MMP15: variants seen among roughly 807,000 people sequenced by gnomAD.
The protein encoded by MMP15 is matrix metallopeptidase 15.
MMP15 carries 36 observed loss-of-function variants against 65.0 expected under a neutral mutation model. The observed-to-expected ratio is 0.55, with a 90% CI of 0.42 to 0.73. The LOEUF (loss-of-function observed/expected upper bound fraction) is 0.73, where lower values mean the gene tolerates loss of function less well. Ranked by LOEUF, MMP15 falls within the 30% of genes least tolerant of loss-of-function variation. The probability of loss-of-function intolerance (pLI) is 0.00; values close to 1 mark genes in which losing one functional copy is unlikely to be tolerated. For synonymous variants in MMP15, 428 were observed against 410.2 expected, an observed-to-expected ratio of 1.04 and a Z score of -0.52; for missense variants, 870 against 987.8, an observed-to-expected ratio of 0.88 and a Z score of 1.60.
rs1285296041 is a variant in MMP15 at position 58,041,681 on chromosome 16, C to G, written c.975C>G (p.Gly325=). ...PLPTVTPRRP[G]RPDHRPPRPP... is the part of the protein sequence containing the mutation. ...CCACTGTGACGCCACGGCGGCCAGGCCGGCCTGACCACCGGCCGCCCCGGC... is the reference window on the plus strand; with the variant it reads ...CCACTGTGACGCCACGGCGGCCAGGGCGGCCTGACCACCGGCCGCCCCGGC... The change falls in exon 6 of 10, where the codon GGC becomes GGG. Residue 325 remains glycine (G), a synonymous_variant. Coordinates refer to ENST00000219271, the MANE Select transcript of MMP15 (RefSeq NM_002428.4). 1 of 1,578,660 alleles carries G rather than the reference C, an allele frequency of 6.3e-7. No individual in the cohort carries two copies. The highest frequency in any genetic ancestry group is 8.6e-7 in the Non-Finnish European group (1 of 1,162,684).
chr16:58,027,521 G>A (rs1194060708), intron 1 of MMP15, among the ~76,000 whole-genome samples: 2 of 152,188 alleles, frequency 1.3e-5, no homozygotes, highest in Non-Finnish European at 2.9e-5. Context: ...GCTTCTGAAC[G>A]GTGCTCAGGC....
At chr16:58,031,736 G>A (rs983838661) in intron 1 of MMP15, among the ~76,000 whole-genome samples, 1 of 152,054 alleles carries the variant, frequency 6.6e-6, no homozygotes, top group Non-Finnish European at 1.5e-5. Flanking sequence ...AGACCCATGG[G>A]AGGGAGCAGA....
rs925581203 is a variant in MMP15 at position 58,026,505 on chromosome 16, A to C, written c.155A>C (p.His52Pro). The change falls in exon 1 of 10, where the codon CAT (histidine) becomes CCT (proline). Residue 52 changes from histidine (H) to proline (P), a missense_variant. His to Pro is a moderately conservative substitution (Grantham distance 77). Coordinates refer to ENST00000219271, the MANE Select transcript of MMP15 (RefSeq NM_002428.4). The part of the protein sequence containing the change: ...LGVAAEDAEV[H>P]AENWLRLYGY... Reference sequence around the variant, plus strand: ...GTAGCGGCCGAAGACGCGGAGGTCCATGCCGAGGTAAGACCCCCGCCCTGC... The same window carrying C: ...GTAGCGGCCGAAGACGCGGAGGTCCCTGCCGAGGTAAGACCCCCGCCCTGC... 2 of 1,354,460 alleles carry C rather than the reference A, an allele frequency of 1.5e-6. No individual in the cohort carries two copies. Among genetic ancestry groups the C allele is most frequent in the South Asian group, 3.5e-5 (2 of 57,392 alleles). The allele number at this position is 1,354,460 out of a possible 1,614,324, so 83.9% of individuals were successfully genotyped here.
At chr16:58,032,936 C>T (rs1026571770) in intron 1 of MMP15, among the ~76,000 whole-genome samples, 1 of 152,212 alleles carries the variant, frequency 6.6e-6, no homozygotes, top group Non-Finnish European at 1.5e-5. Context: ...GTCCTTATCG[C>T]CTGGGGTCTG....
chr16:58,038,475 G>A, intron 3 of MMP15, 81 bp downstream of exon 3: 3 of 1,576,972 alleles, frequency 1.9e-6, no homozygotes, highest in Middle Eastern at 1.7e-4. Context: ...GCCCACCTCG[G>A]CGCCCAGCCT....
chr16:58,026,082 G>T lies in MMP15; in HGVS notation c.-269G>T. 1 of 349,558 alleles carries T rather than the reference G, an allele frequency of 2.9e-6. No individual in the cohort carries two copies. The allele number at this position is 349,558 out of a possible 1,614,324, so 21.7% of individuals were successfully genotyped here. ...TGCTCTCGGGAGCCGGGCCCCAGGC[G>T]CTGGGCGCCGAGGCTGCGGAACCTC... On this transcript the variant is annotated 5_prime_UTR_variant, in exon 1 of 10. Transcript: ENST00000219271.
chr16:58,037,594 C>T lies in MMP15; in HGVS notation c.285C>T (p.Thr95=), dbSNP rs376783004. Residue 95 remains threonine, a synonymous_variant, in exon 2 of 10, where the codon ACC becomes ACT. Transcript: ENST00000219271. ...AGCGCTTCTACGGGATCCCAGTCAC[C>T]GGTGTGCTCGACGAAGAGACCAAGG... is the stretch of plus-strand genomic sequence containing the variant. ...EMQRFYGIPV[T]GVLDEETKEW... 4.7e-5 allele frequency: 76 copies of T among 1,614,080 alleles called. No individual in the cohort carries two copies. Among genetic ancestry groups the T allele is most frequent in the East Asian group, 1.1e-4 (5 of 44,896 alleles).
At position 58,026,354 on chromosome 16, in the gene MMP15, G is replaced by C. The variant is rs868389662; in HGVS notation, c.4G>C (p.Gly2Arg). The change falls in exon 1 of 10, where the codon GGC becomes CGC. Residue 2 changes from glycine to arginine, a missense_variant. By Grantham distance (125) the Gly-to-Arg change is moderately radical. Coordinates refer to ENST00000219271, the MANE Select transcript of MMP15 (RefSeq NM_002428.4). ...AGCTGGGCTGGGCGCCGAGAGCATG[G>C]GCAGCGACCCGAGCGCGCCCGGACG... M[G>R]SDPSAPGRPG... 1 of 1,354,290 alleles carries C rather than the reference G, an allele frequency of 7.4e-7. No homozygotes were observed. Among genetic ancestry groups the C allele is most frequent in the East Asian group, 3.1e-5 (1 of 32,416 alleles). The allele number at this position is 1,354,290 out of a possible 1,614,324, so 83.9% of individuals were successfully genotyped here. A position where few individuals can be genotyped will look rare whatever the true frequency, so the allele number is the denominator to read the frequency against.
At position 58,031,958 on chromosome 16, in the gene MMP15, C is replaced by A. The variant is rs1028199780; in HGVS notation, c.162+5446C>A. ...TCTCGGCTCACTGCAACCTCCGCCT[C>A]CCAGGTTCAGGCAATTCTCCTGCTT... On this transcript the variant is annotated intron_variant, in intron 1 of 9. Transcript: ENST00000219271. Among the ~76,000 whole-genome samples the A allele has an allele frequency of 2.0e-5, 3 of 150,476 alleles. No individual in the cohort carries two copies. The Admixed American group carries it at 2.0e-4, about 10-fold the overall frequency.
intron 1 of MMP15, among the ~76,000 whole-genome samples, chr16:58,031,128 T>G (rs1963885596): frequency 1.3e-5 from 2 of 152,264 alleles, no homozygotes; most frequent in South Asian, 4.1e-4. Context: ...AAGAGGAAAC[T>G]AATACTGTGA....
chr16:58,043,540 C>T lies in MMP15; in HGVS notation c.1483C>T (p.Arg495Cys), dbSNP rs754933485. The T allele has an allele frequency of 1.9e-5, 30 of 1,613,880 alleles. No homozygotes were observed. Among genetic ancestry groups the T allele is most frequent in the East Asian group, 8.9e-5 (4 of 44,890 alleles). ...CTGGCGCTTCAACGAGGAGACACAG[C>T]GTGGAGACCCTGGGTACCCCAAGCC... is the stretch of plus-strand genomic sequence containing the variant. Reference protein sequence around the residue: ...RYWRFNEETQRGDPGYPKPIS... With the variant: ...RYWRFNEETQCGDPGYPKPIS... Residue 495 changes from arginine (R) to cysteine (C), a missense_variant, in exon 9 of 10, where the codon CGT (arginine) becomes TGT (cysteine). Coordinates refer to ENST00000219271, the MANE Select transcript of MMP15 (RefSeq NM_002428.4).
At chr16:58,038,803 C>G (rs1260904662) in intron 3 of MMP15, among the ~76,000 whole-genome samples, 2 of 152,224 alleles carry the variant, frequency 1.3e-5, no homozygotes, top group Admixed American at 6.5e-5. Context: ...ACCCTCCAGC[C>G]AAGTGTGCCT....
intron 9 of MMP15, 133 bp from the exon 10 acceptor site, chr16:58,044,874 C>A: frequency 9.9e-7 from 1 of 1,008,564 alleles, no homozygotes; most frequent in Non-Finnish European, 1.5e-6. Flanking sequence ...TGAGAAGGGG[C>A]AGATTTGAAA....
intron 8 of MMP15, 44 bp from the exon 9 acceptor site, chr16:58,043,468 C>T: frequency 6.2e-7 from 1 of 1,606,986 alleles, no homozygotes; most frequent in Non-Finnish European, 8.5e-7. Flanking sequence ...GGTCCTGGCC[C>T]AAGCAGGATC....
chr16:58,028,984 G>GGGGGAGCTCTTATCTCACCTGCC (rs1257743009), intron 1 of MMP15, among the ~76,000 whole-genome samples: 2 of 152,188 alleles, frequency 1.3e-5, no homozygotes. Context: ...CAGGCTCACC[G>GGGGGAGCTCTTATCTCACCTGCC]GGGGAGCTCT....
At chr16:58,033,697 G>C (rs1199363072) in intron 1 of MMP15, among the ~76,000 whole-genome samples, 1 of 152,252 alleles carries the variant, frequency 6.6e-6, no homozygotes, top group Non-Finnish European at 1.5e-5. Context: ...GAGGTCAGTA[G>C]TTCGAGACCA....
In MMP15 at chr16:58,042,255, C is replaced by T; in HGVS notation, c.1189C>T (p.His397Tyr). Residue 397 changes from histidine (H) to tyrosine (Y), a missense_variant, in exon 7 of 10, where the codon CAC becomes TAC. By Grantham distance (83) the His-to-Tyr change is moderately conservative. Coordinates refer to ENST00000219271, the MANE Select transcript of MMP15 (RefSeq NM_002428.4). The part of the protein sequence containing the change: ...FKGRWFWRVR[H>Y]NRVLDNYPMP... ...GGGCCGCTGGTTCTGGCGAGTCCGGCACAACCGCGTCCTGGACAACTATCC... is the reference window on the plus strand; with the variant it reads ...GGGCCGCTGGTTCTGGCGAGTCCGGTACAACCGCGTCCTGGACAACTATCC... 6.2e-7 allele frequency: 1 copy of T among 1,614,134 alleles called. No individual in the cohort carries two copies. The highest frequency in any genetic ancestry group is 8.5e-7 in the Non-Finnish European group (1 of 1,180,008).
chr16:58,029,998 G>C (rs1963873715), intron 1 of MMP15, among the ~76,000 whole-genome samples: 1 of 152,112 alleles, frequency 6.6e-6, no homozygotes, highest in Non-Finnish European at 1.5e-5. Flanking sequence ...TGCCCTGCTG[G>C]GAGTTTGACC....
chr16:58,028,507 A>C (rs557090619), intron 1 of MMP15, among the ~76,000 whole-genome samples: 36 of 152,320 alleles, frequency 2.4e-4, no homozygotes, highest in Non-Finnish European at 4.6e-4. Flanking sequence ...ATGTGGGCCC[A>C]AAGAGTCAAA....
Sources: gnomAD v4.1 joint callset for allele counts (sites outside exome capture counted in the v4.1 genomes callset) on GRCh38, gnomAD v4.1.1 for gene constraint, MANE v1.5 for transcripts, NCBI Gene and HGNC (gene_info 2026-07-23, HGNC 2026-07-21) for gene names.